The following THOC2 variants were observed in gnomAD, a reference collection of about 807,000 sequenced individuals.
THOC2 encodes the protein THO complex subunit 2.
THOC2 carries 10 observed loss-of-function variants against 128.4 expected under a neutral mutation model. The observed-to-expected ratio is 0.08, with a 90% CI of 0.05 to 0.13. THOC2 has a LOEUF of 0.13. Ranked by LOEUF, THOC2 falls within the 10% of genes least tolerant of loss-of-function variation. The probability of loss-of-function intolerance (pLI) is 1.00; values close to 1 mark genes in which losing one functional copy is unlikely to be tolerated. For synonymous variants in THOC2, 393 were observed against 396.9 expected (o/e 0.99, Z 0.12); for missense variants, 535 against 1,155.7 (o/e 0.46, Z 7.79).
intron 18 of THOC2, among the ~76,000 whole-genome samples, chrX:123,637,461 G>A (rs757076804): frequency 6.3e-5 from 7 of 111,692 alleles, no homozygotes; most frequent in Non-Finnish European, 1.3e-4. Flanking sequence ...AATAATGTTA[G>A]TTAAAAAGGA....
chrX:123,615,848 C>T (rs2046874088), intron 33 of THOC2, among the ~76,000 whole-genome samples: 1 of 110,965 alleles, frequency 9.0e-6, no homozygotes, highest in African/African-American at 3.3e-5. Flanking sequence ...TCAGAATGTA[C>T]CCAATTCAAT....
chrX:123,603,415 T>C (rs1374092902), intron 38 of THOC2: 2 of 348,264 alleles, frequency 5.7e-6, no homozygotes, highest in Non-Finnish European at 9.9e-6. Flanking sequence ...GGCGATTTCC[T>C]CTCCTTTCAG....
At chrX:123,605,908 G>A (rs1205817704) in intron 38 of THOC2, among the ~76,000 whole-genome samples, 5 of 109,392 alleles carry the variant, frequency 4.6e-5, no homozygotes, top group Admixed American at 1.9e-4. Flanking sequence ...GAAACGAGCT[G>A]AGTGGGGACT....
At chrX:123,606,286 A>AAAAAAAAG (rs1556000301) in intron 38 of THOC2, among the ~76,000 whole-genome samples, 1 of 108,253 alleles carries the variant, frequency 9.2e-6, no homozygotes, top group Non-Finnish European at 1.9e-5. Context: ...AAAAAAAAAA[A>AAAAAAAAG]AAAGAAAGAA....
chrX:123,682,879 A>T (rs1035449831), intron 8 of THOC2, among the ~76,000 whole-genome samples: 4 of 111,382 alleles, frequency 3.6e-5, no homozygotes, highest in African/African-American at 1.3e-4. Flanking sequence ...TTTTGAATCC[A>T]GAAATCAAAG....
intron 6 of THOC2, among the ~76,000 whole-genome samples, chrX:123,696,507 T>C (rs780675497): frequency 4.9e-4 from 55 of 111,446 alleles, no homozygotes; most frequent in Non-Finnish European, 9.8e-4. Context: ...ATTTTAACTT[T>C]GAATATGGGC....
In THOC2 at chrX:123,639,991, G is replaced by A. The variant is rs148310948; in HGVS notation, c.1746+547C>T. ...ACCTGAGGTCAGGAGTTCAAGACCA[G>A]CCTGGCCAACATGGTGAAACCACAT... is the stretch of plus-strand genomic sequence containing the variant. On this transcript the variant is annotated intron_variant, in intron 16 of 38. Transcript: ENST00000245838. 8.4e-3 allele frequency among the ~76,000 whole-genome samples: 933 copies of A among 111,242 alleles called. 8 individuals carry two copies. The highest frequency in any genetic ancestry group is 0.028 in the African/African-American group (868 of 30,576).
At chrX:123,710,210 G>C (rs939705374) in intron 2 of THOC2, among the ~76,000 whole-genome samples, 1 of 111,944 alleles carries the variant, frequency 8.9e-6, no homozygotes, top group South Asian at 3.7e-4. Context: ...AAGAGAAGGA[G>C]AGCAATGGCA....
At chrX:123,667,314 T>G (rs1569399935) in intron 10 of THOC2, 36 bp from the exon 11 acceptor site, 1 of 1,038,634 alleles carries the variant, frequency 9.6e-7, no homozygotes. Flanking sequence ...ATACTCAGGA[T>G]ACAGACATCA....
At chrX:123,643,733 A>G (rs1261195385) in intron 15 of THOC2, among the ~76,000 whole-genome samples, 1 of 100,803 alleles carries the variant, frequency 9.9e-6, no homozygotes. Flanking sequence ...GGCTCACAGG[A>G]AAAAAAAAAA....
intron 7 of THOC2, among the ~76,000 whole-genome samples, chrX:123,693,534 C>T (rs1192495876): frequency 9.0e-6 from 1 of 111,648 alleles, no homozygotes; most frequent in African/African-American, 3.3e-5. Context: ...GATAAATAAA[C>T]ACTGAGACAG....
At chrX:123,711,177 C>T (rs1159977636) in intron 2 of THOC2, among the ~76,000 whole-genome samples, 1 of 102,745 alleles carries the variant, frequency 9.7e-6, no homozygotes, top group Non-Finnish European at 2.0e-5. Context: ...CGCCACCACA[C>T]GCAGCTAATT....
intron 18 of THOC2, among the ~76,000 whole-genome samples, chrX:123,636,920 A>C (rs2047695077): frequency 8.9e-6 from 1 of 112,286 alleles, no homozygotes; most frequent in Admixed American, 9.5e-5. Flanking sequence ...TATGATGAGC[A>C]AAAGGCTCCA....
chrX:123,723,819 AAAGAGAAAAATC>A (rs1569454049), intron 1 of THOC2, among the ~76,000 whole-genome samples: 1 of 112,013 alleles, frequency 8.9e-6, no homozygotes, highest in Non-Finnish European at 1.9e-5. Flanking sequence ...AAGGTTAAAA[AAAGAGAAAAATC>A]AAGAGGAAAA....
intron 12 of THOC2, among the ~76,000 whole-genome samples, chrX:123,654,055 C>T (rs1000047919): frequency 1.4e-4 from 16 of 111,596 alleles, no homozygotes; most frequent in Non-Finnish European, 3.8e-5. Context: ...CACATATACA[C>T]CATGGAATAC....
At chrX:123,619,469 T>C in intron 32 of THOC2, 33 bp from the exon 33 acceptor site, 1 of 1,207,091 alleles carries the variant, frequency 8.3e-7, no homozygotes, top group Non-Finnish European at 1.1e-6. Flanking sequence ...ACAGGTGAGC[T>C]GGCATAGTTC....
chrX:123,635,973 C>T, intron 19 of THOC2, 106 bp downstream of exon 19: 1 of 559,635 alleles, frequency 1.8e-6, no homozygotes, highest in Non-Finnish European at 2.8e-6. Flanking sequence ...CTACTTGAGC[C>T]TACAACCAAC....
intron 1 of THOC2, among the ~76,000 whole-genome samples, chrX:123,731,717 C>G (rs1318159551): frequency 9.0e-6 from 1 of 110,610 alleles, no homozygotes; most frequent in African/African-American, 3.3e-5. Flanking sequence ...TTCTAGAGCT[C>G]ACACTGTTAA....
At chrX:123,649,300 C>A (rs1462546154) in intron 12 of THOC2, among the ~76,000 whole-genome samples, 1 of 111,293 alleles carries the variant, frequency 9.0e-6, no homozygotes, top group African/African-American at 3.3e-5. Context: ...ACAAAAACCC[C>A]ATCTGAACGA....
Sources: gnomAD v4.1 joint callset for allele counts (sites outside exome capture counted in the v4.1 genomes callset) on GRCh38, gnomAD v4.1.1 for gene constraint, MANE v1.5 for transcripts, NCBI Gene and HGNC (gene_info 2026-07-23, HGNC 2026-07-21) for gene names.